The following PXDN variants were observed in gnomAD, a reference collection of about 807,000 sequenced individuals.
PXDN encodes the protein peroxidasin.
A neutral mutation model predicts 140.3 loss-of-function variants in PXDN; 77 were observed. That is an observed-to-expected ratio of 0.55 (90% CI 0.46 to 0.66). PXDN has a LOEUF of 0.66. PXDN is among the 30% of genes least tolerant of loss of function. The pLI is 0.00. For missense variants in PXDN, 1,838 were observed against 2,039.5 expected, an observed-to-expected ratio of 0.90 and a Z score of 1.90; for synonymous variants, 911 against 857.4, an observed-to-expected ratio of 1.06 and a Z score of -1.09.
intron 12 of PXDN, among the ~76,000 whole-genome samples, chr2:1,663,092 C>A (rs1274082028): frequency 1.3e-5 from 2 of 152,166 alleles, no homozygotes; most frequent in East Asian, 3.9e-4. Flanking sequence ...TGTGGGGATT[C>A]TTCTCATTGG....
intron 1 of PXDN, among the ~76,000 whole-genome samples, chr2:1,698,176 C>T (rs904364651): frequency 6.6e-5 from 10 of 152,134 alleles, no homozygotes; most frequent in African/African-American, 1.4e-4. Context: ...CACAGAAGGA[C>T]GACAAGTTTG....
In PXDN at chr2:1,663,654, G is replaced by A. The variant is rs1034221287; in HGVS notation, c.1518C>T (p.Asn506=). ...CCACGACCTTCTGGGAGCCGATGAT[G>A]TTGACAGCCTGGCATTCGTACTGGC... ...DQGQYECQAV[N]IIGSQKVVAH... The change falls in exon 12 of 23, where the codon AAC becomes AAT. Residue 506 remains asparagine, a synonymous_variant. Coordinates refer to ENST00000252804, the MANE Select transcript of PXDN (RefSeq NM_012293.3). 3 of 1,613,934 alleles carry A rather than the reference G, an allele frequency of 1.9e-6. No individual in the cohort carries two copies. Among genetic ancestry groups the A allele is most frequent in the African/African-American group, 2.7e-5 (2 of 74,952 alleles).
In PXDN at chr2:1,638,893, C is replaced by T. The variant is rs374425644; in HGVS notation, c.4159G>A (p.Glu1387Lys). Residue 1387 changes from glutamate to lysine, a missense_variant, in exon 21 of 23, where the codon GAG becomes AAG. Transcript: ENST00000252804. ...GTCTTCTGCATTTCCAGAACAAACT[C>T]TCTGAAGTCATTTGTCCCAGATGCA... The part of the protein sequence containing the change: ...SDASGTNDFR[E>K]FVLEMQKTIT... 1 of 1,614,036 alleles carries T rather than the reference C, an allele frequency of 6.2e-7. No homozygotes were observed.
chr2:1,643,280 A>T, intron 19 of PXDN, 88 bp downstream of exon 19: 1 of 1,272,034 alleles, frequency 7.9e-7, no homozygotes, highest in Non-Finnish European at 1.1e-6. Flanking sequence ...CAAGATTAGG[A>T]TGACATCTGC....
chr2:1,734,258 TTAAC>T (rs1685380396), intron 1 of PXDN, among the ~76,000 whole-genome samples: 2 of 152,252 alleles, frequency 1.3e-5, no homozygotes, highest in Non-Finnish European at 2.9e-5. Flanking sequence ...ATATAGCTGA[TTAAC>T]TATGCAGTAG....
At chr2:1,684,440 C>T (rs1208852598) in intron 4 of PXDN, among the ~76,000 whole-genome samples, 2 of 152,174 alleles carry the variant, frequency 1.3e-5, no homozygotes, top group Non-Finnish European at 2.9e-5. Flanking sequence ...GCTGGCCTGG[C>T]CTGACTCGGC....
chr2:1,643,355 C>T lies in PXDN; in HGVS notation c.3952+13G>A. Reference sequence around the variant, plus strand: ...GATGAAAAAGGAACAGACATGGTGCCCCTGGCACGCACCTTCACAGCAGTC... The same window carrying T: ...GATGAAAAAGGAACAGACATGGTGCTCCTGGCACGCACCTTCACAGCAGTC... On this transcript the variant is annotated intron_variant, in intron 19 of 22. Transcript: ENST00000252804. 1 of 1,610,562 alleles carries T rather than the reference C, an allele frequency of 6.2e-7. No individual in the cohort carries two copies. The highest frequency in any genetic ancestry group is 8.5e-7 in the Non-Finnish European group (1 of 1,177,382).
At chr2:1,737,231 G>C (rs899681508) in intron 1 of PXDN, among the ~76,000 whole-genome samples, 1 of 152,116 alleles carries the variant, frequency 6.6e-6, no homozygotes, top group Non-Finnish European at 1.5e-5. Flanking sequence ...TCTTCACCTC[G>C]GGCCTCCGGG....
At position 1,665,087 on chromosome 2, in the gene PXDN, A is replaced by G; in HGVS notation, c.1292-13T>C. ...AACTGAGGAAGAGCTTCCGGAGAGA[A>G]AGCATTCAAAACAGGACATGTAAAA... is the stretch of plus-strand genomic sequence containing the variant. On this transcript the variant is annotated splice_polypyrimidine_tract_variant and intron_variant, in intron 10 of 22. Transcript: ENST00000252804. 1 of 1,560,202 alleles carries G rather than the reference A, an allele frequency of 6.4e-7. No individual in the cohort carries two copies.
chr2:1,730,789 C>G (rs1685294576), intron 1 of PXDN, among the ~76,000 whole-genome samples: 1 of 152,136 alleles, frequency 6.6e-6, no homozygotes, highest in South Asian at 2.1e-4. Flanking sequence ...AGAGAAAAGT[C>G]TTCAGTTAAG....
chr2:1,700,241 T>C (rs772059729), intron 1 of PXDN, among the ~76,000 whole-genome samples: 64 of 152,226 alleles, frequency 4.2e-4, no homozygotes, highest in African/African-American at 1.1e-3. Flanking sequence ...TTTGTATTTT[T>C]AGTAGAGACG....
At chr2:1,661,200 G>A (rs919036469) in intron 13 of PXDN, among the ~76,000 whole-genome samples, 163 bp from the exon 14 acceptor site, 3 of 152,194 alleles carry the variant, frequency 2.0e-5, no homozygotes, top group African/African-American at 4.8e-5. Flanking sequence ...AGGAGATGTG[G>A]TCAGTTCTCC....
chr2:1,666,628 T>A, intron 9 of PXDN, 142 bp from the exon 10 acceptor site: 1 of 1,163,120 alleles, frequency 8.6e-7, no homozygotes, highest in Non-Finnish European at 1.2e-6. Flanking sequence ...TATTTTCTTT[T>A]TAAAGAAATG....
At chr2:1,729,306 C>T (rs879289914) in intron 1 of PXDN, among the ~76,000 whole-genome samples, 6 of 152,146 alleles carry the variant, frequency 3.9e-5, no homozygotes, top group South Asian at 2.1e-4. Context: ...TCCACCATCC[C>T]GGGGTCAGAG....
At chr2:1,721,773 C>A (rs1685058935) in intron 1 of PXDN, among the ~76,000 whole-genome samples, 2 of 152,076 alleles carry the variant, frequency 1.3e-5, no homozygotes, top group South Asian at 4.1e-4. Context: ...CTTGCAGTGC[C>A]ACTGCACTCC....
intron 21 of PXDN, chr2:1,635,821 C>A: frequency 2.5e-6 from 1 of 402,370 alleles, no homozygotes; most frequent in Non-Finnish European, 4.7e-6. Flanking sequence ...GAACGTCCTG[C>A]ACCTACACTT....
In PXDN at chr2:1,685,598, G is replaced by A. The variant is rs1684034318; in HGVS notation, c.417-1447C>T. On this transcript the variant is annotated intron_variant, in intron 4 of 22. Coordinates refer to ENST00000252804, the MANE Select transcript of PXDN (RefSeq NM_012293.3). The surrounding 1 kb of genome is among the most constrained non-coding windows in gnomAD (Gnocchi z 5.1). Reference sequence around the variant, plus strand: ...TCCCCCAAGCAAAGCCCAGAAGGATGAGGAGGTACTGACCGAGGGAAGGAA... The same window carrying A: ...TCCCCCAAGCAAAGCCCAGAAGGATAAGGAGGTACTGACCGAGGGAAGGAA... 6.6e-6 allele frequency among the ~76,000 whole-genome samples: 1 copy of A among 152,094 alleles called. No individual in the cohort carries two copies. The highest frequency in any genetic ancestry group is 6.5e-5 in the Admixed American group (1 of 15,280).
intron 1 of PXDN, among the ~76,000 whole-genome samples, chr2:1,708,893 A>C (rs951433237): frequency 2.0e-5 from 3 of 152,168 alleles, no homozygotes; most frequent in African/African-American, 7.2e-5. Context: ...TATCAAGTAC[A>C]GTTTTTTTAA....
intron 1 of PXDN, among the ~76,000 whole-genome samples, chr2:1,725,380 A>G (rs1389552625): frequency 1.3e-5 from 2 of 152,140 alleles, no homozygotes; most frequent in Non-Finnish European, 2.9e-5. Context: ...CCATATGTAG[A>G]AAGCTGAAAC....
Sources: gnomAD v4.1 joint callset for allele counts (sites outside exome capture counted in the v4.1 genomes callset) on GRCh38, gnomAD v4.1.1 for gene constraint, Gnocchi (gnomAD v3.1) non-coding constraint, MANE v1.5 for transcripts, NCBI Gene and HGNC (gene_info 2026-07-23, HGNC 2026-07-21) for gene names.